Variants in CERS6 observed in about 807,000 individuals in gnomAD.
The protein encoded by CERS6 is ceramide synthase 6, also known as LAG1 homolog, ceramide synthase 6.
In CERS6, 26 loss-of-function variants were observed where a neutral mutation model predicts 56.8. The observed-to-expected ratio is 0.46, with a 90% CI of 0.34 to 0.63. The LOEUF is 0.63. CERS6 is among the 30% of genes least tolerant of loss of function. The probability of loss-of-function intolerance (pLI) is 0.01; values close to 1 mark genes in which losing one functional copy is unlikely to be tolerated. For synonymous variants in CERS6, 164 were observed against 173.3 expected (o/e 0.95, Z 0.42); for missense variants, 415 against 467.5 (o/e 0.89, Z 1.04).
intron 8 of CERS6, among the ~76,000 whole-genome samples, chr2:168,761,517 A>T (rs934867201): frequency 5.3e-5 from 8 of 152,238 alleles, no homozygotes; most frequent in Admixed American, 4.6e-4. Context: ...TTCAAAGGGA[A>T]CTAAAGTTTC....
chr2:168,633,881 C>A (rs1218072161), intron 4 of CERS6, among the ~76,000 whole-genome samples: 1 of 152,136 alleles, frequency 6.6e-6, no homozygotes, highest in Admixed American at 6.5e-5. Context: ...TAGGAAAATT[C>A]TCATAATACC....
At chr2:168,674,959 CTTATTTATTTAT>C (rs59783108) in intron 4 of CERS6, among the ~76,000 whole-genome samples, 16 of 148,454 alleles carry the variant, frequency 1.1e-4, no homozygotes, top group East Asian at 8.1e-4. Context: ...TTTACATTAC[CTTATTTATTTAT>C]TTATTTATTT....
intron 1 of CERS6, among the ~76,000 whole-genome samples, chr2:168,472,980 C>T (rs1694004731): frequency 6.6e-6 from 1 of 152,156 alleles, no homozygotes; most frequent in Non-Finnish European, 1.5e-5. Flanking sequence ...TTAAAACTTG[C>T]AGTGCTTGCA....
intron 3 of CERS6, among the ~76,000 whole-genome samples, chr2:168,585,483 C>T (rs1048559530): frequency 2.0e-5 from 3 of 152,206 alleles, no homozygotes; most frequent in Non-Finnish European, 2.9e-5. Context: ...AAGCCTTCTG[C>T]TTACCAGATG....
chr2:168,758,424 T>C (rs1194895098), intron 8 of CERS6, among the ~76,000 whole-genome samples: 3 of 152,230 alleles, frequency 2.0e-5, no homozygotes, highest in African/African-American at 7.2e-5. Context: ...CTAATTATTA[T>C]TGTGGGTTTT....
At chr2:168,536,347 G>A (rs750319451) in intron 1 of CERS6, among the ~76,000 whole-genome samples, 5 of 152,242 alleles carry the variant, frequency 3.3e-5, no homozygotes, top group African/African-American at 4.8e-5. Context: ...ATGAACACAC[G>A]TAGAGATCTA....
At chr2:168,546,468 A>G (rs1695467742) in intron 1 of CERS6, among the ~76,000 whole-genome samples, 2 of 152,194 alleles carry the variant, frequency 1.3e-5, no homozygotes, top group Non-Finnish European at 1.5e-5. Context: ...TGTTTAAATA[A>G]ATTTCTTCAC....
chr2:168,729,350 T>G (rs940152964), intron 8 of CERS6, among the ~76,000 whole-genome samples: 1 of 152,230 alleles, frequency 6.6e-6, no homozygotes, highest in African/African-American at 2.4e-5. Context: ...CGTCGTCAAC[T>G]ATGTTTCTAT....
intron 4 of CERS6, among the ~76,000 whole-genome samples, chr2:168,648,684 A>C (rs1018053865): frequency 3.3e-5 from 5 of 152,202 alleles, no homozygotes; most frequent in Non-Finnish European, 7.3e-5. Flanking sequence ...CTCTCTTAAC[A>C]GTGCCTTAGC....
intron 6 of CERS6, among the ~76,000 whole-genome samples, chr2:168,698,662 A>G (rs1006609521): frequency 5.9e-5 from 9 of 152,178 alleles, no homozygotes; most frequent in Non-Finnish European, 1.2e-4. Context: ...GATCCAAACC[A>G]TATCAATTGC....
intron 8 of CERS6, among the ~76,000 whole-genome samples, chr2:168,751,719 A>T (rs1684273587): frequency 6.6e-6 from 1 of 151,742 alleles, no homozygotes; most frequent in African/African-American, 2.4e-5. Flanking sequence ...CCCATTCCCA[A>T]ATTTTCCAGG....
In CERS6 at chr2:168,769,735, G is replaced by A; in HGVS notation, c.*73G>A. The A allele has an allele frequency of 6.7e-7, 1 of 1,499,584 alleles. No homozygotes were observed. The highest frequency in any genetic ancestry group is 9.1e-7 in the Non-Finnish European group (1 of 1,093,320). The allele number at this position is 1,499,584 out of a possible 1,614,324, so 92.9% of individuals were successfully genotyped here. Reference sequence around the variant, plus strand: ...AAGTATTTAATAAGTTGCAAATGCAGTTCCTTTCATAATATCTCAGCACCA... The same window carrying A: ...AAGTATTTAATAAGTTGCAAATGCAATTCCTTTCATAATATCTCAGCACCA... On this transcript the variant is annotated 3_prime_UTR_variant, in exon 10 of 10. Transcript: ENST00000305747.
At chr2:168,463,659 G>A (rs1156690527) in intron 1 of CERS6, among the ~76,000 whole-genome samples, 5 of 152,286 alleles carry the variant, frequency 3.3e-5, no homozygotes, top group Admixed American at 3.3e-4. Flanking sequence ...TGTAATCCCA[G>A]CACTTTGGGA....
rs181600285 is a variant in CERS6 at position 168,504,457 on chromosome 2, T to C, written c.171-43139T>C. ...ATGCCCCTTAAATCAGCTTGTAAAATGTGAGAAAAACAAGTGAGGCAATCT... is the reference window on the plus strand; with the variant it reads ...ATGCCCCTTAAATCAGCTTGTAAAACGTGAGAAAAACAAGTGAGGCAATCT... On this transcript the variant is annotated intron_variant, in intron 1 of 9. Coordinates refer to ENST00000305747, the MANE Select transcript of CERS6 (RefSeq NM_203463.3). Among the ~76,000 whole-genome samples the C allele has an allele frequency of 2.0e-3, 309 of 151,884 alleles. 1 individual carries two copies. The highest frequency in any genetic ancestry group is 3.4e-3 in the Middle Eastern group (1 of 292).
chr2:168,758,761 C>T (rs1055495541), intron 8 of CERS6, among the ~76,000 whole-genome samples: 3 of 152,248 alleles, frequency 2.0e-5, no homozygotes, highest in African/African-American at 7.2e-5. Flanking sequence ...GGAAATTGAG[C>T]ATTGGAGGTA....
intron 5 of CERS6, among the ~76,000 whole-genome samples, 168 bp downstream of exon 5, chr2:168,691,252 T>A (rs1686494464): frequency 6.6e-6 from 1 of 152,290 alleles, no homozygotes; most frequent in African/African-American, 2.4e-5. Flanking sequence ...ATTTGTGCAT[T>A]ATTCTTAGTG....
At chr2:168,755,793 G>T (rs1267586252) in intron 8 of CERS6, among the ~76,000 whole-genome samples, 2 of 152,174 alleles carry the variant, frequency 1.3e-5, no homozygotes, top group Non-Finnish European at 2.9e-5. Context: ...GAGTCCCTCA[G>T]AGATGAGTTC....
intron 1 of CERS6, among the ~76,000 whole-genome samples, chr2:168,528,098 C>T (rs1471571389): frequency 6.6e-6 from 1 of 152,110 alleles, no homozygotes; most frequent in African/African-American, 2.4e-5. Flanking sequence ...TCCCATTAGT[C>T]CCCACCTTCC....
intron 4 of CERS6, among the ~76,000 whole-genome samples, chr2:168,666,381 T>C (rs1159620008): frequency 6.6e-6 from 1 of 152,200 alleles, no homozygotes; most frequent in East Asian, 1.9e-4. Flanking sequence ...TTTACCTTTT[T>C]CAGAATGTCA....
Sources: gnomAD v4.1 joint callset for allele counts (sites outside exome capture counted in the v4.1 genomes callset) on GRCh38, gnomAD v4.1.1 for gene constraint, MANE v1.5 for transcripts, NCBI Gene and HGNC (gene_info 2026-07-23, HGNC 2026-07-21) for gene names.